SHROOM2: variants seen among roughly 807,000 people sequenced by gnomAD.
The protein encoded by SHROOM2 is shroom family member 2, also known as protein Shroom2.
Under a neutral mutation model 75.9 loss-of-function variants are expected in SHROOM2, and 33 were observed. The ratio of observed to expected loss-of-function variants is 0.43; its 90% confidence interval spans 0.33 to 0.58. SHROOM2 has a LOEUF of 0.58. Among genes scored for constraint, SHROOM2 ranks in the 20% least tolerant of loss-of-function variants. The probability of loss-of-function intolerance (pLI) is 0.04; values close to 1 mark genes in which losing one functional copy is unlikely to be tolerated. For synonymous variants in SHROOM2, 655 were observed against 663.6 expected (o/e 0.99, Z 0.20); for missense variants, 1,434 against 1,461.2 (o/e 0.98, Z 0.30).
At chrX:9,936,354 C>T (rs2084706071) in intron 6 of SHROOM2, among the ~76,000 whole-genome samples, 1 of 110,805 alleles carries the variant, frequency 9.0e-6, no homozygotes, top group Non-Finnish European at 1.9e-5. Flanking sequence ...ACAAGTGATC[C>T]ACCCGCCTCG....
At chrX:9,884,240 C>G (rs113007098) in intron 2 of SHROOM2, among the ~76,000 whole-genome samples, 12,551 of 110,764 alleles carry the variant, frequency 0.11, 752 homozygotes, top group East Asian at 0.38. Flanking sequence ...CCAGCCAGTG[C>G]TCTTACTGTG....
chrX:9,795,927 G>A (rs1410225406), intron 1 of SHROOM2, among the ~76,000 whole-genome samples: 1 of 110,916 alleles, frequency 9.0e-6, no homozygotes, highest in African/African-American at 3.3e-5. Context: ...CCAGTTTGGA[G>A]GGAAGGTTAC....
At chrX:9,805,077 TAA>T (rs757393138) in intron 1 of SHROOM2, among the ~76,000 whole-genome samples, 2 of 95,525 alleles carry the variant, frequency 2.1e-5, no homozygotes, top group Admixed American at 1.2e-4. Context: ...TCATGTCTAC[TAA>T]AAAAAAAAAA....
At chrX:9,934,269 C>T (rs1005475563) in intron 6 of SHROOM2, among the ~76,000 whole-genome samples, 3 of 111,703 alleles carry the variant, frequency 2.7e-5, no homozygotes, top group African/African-American at 9.8e-5. Context: ...TTCCCATCGC[C>T]GCAGAAAATT....
At chrX:9,872,107 T>A (rs1479235859) in intron 1 of SHROOM2, among the ~76,000 whole-genome samples, 3 of 112,320 alleles carry the variant, frequency 2.7e-5, no homozygotes, top group African/African-American at 9.7e-5. Flanking sequence ...TGTAAACCAA[T>A]GGGTGTGACT....
rs763599836 is a variant in SHROOM2, at chrX:9,807,070, C to T, written c.165+20360C>T. On this transcript the variant is annotated intron_variant, in intron 1 of 9. Coordinates refer to ENST00000380913, the MANE Select transcript of SHROOM2 (RefSeq NM_001649.4). ...GAGATGGGGTCTAGGGAAGGCCTGC[C>T]GGGCCCTGGGTCGCAGCTGGCAAGT... Among the ~76,000 whole-genome samples the T allele has an allele frequency of 6.1e-4, 68 of 111,477 alleles. 1 individual carries two copies. Among genetic ancestry groups the T allele is most frequent in the African/African-American group, 2.1e-3 (66 of 30,704 alleles).
At chrX:9,793,742 C>T (rs1371453277) in intron 1 of SHROOM2, among the ~76,000 whole-genome samples, 2 of 108,915 alleles carry the variant, frequency 1.8e-5, no homozygotes, top group Non-Finnish European at 3.8e-5. Context: ...TACCTAGCCT[C>T]TTCCTTTCTT....
intron 1 of SHROOM2, among the ~76,000 whole-genome samples, chrX:9,851,445 G>GTT (rs2084038990): frequency 9.7e-5 from 5 of 51,549 alleles, no homozygotes; most frequent in Admixed American, 3.3e-4. Flanking sequence ...CCAGGATATT[G>GTT]CTTTTTTTTT....
intron 1 of SHROOM2, among the ~76,000 whole-genome samples, chrX:9,867,397 G>A (rs1190523620): frequency 9.0e-6 from 1 of 111,348 alleles, no homozygotes; most frequent in Non-Finnish European, 1.9e-5. Flanking sequence ...TTTTTGTAGA[G>A]GGGCTTTTTG....
chrX:9,927,787 G>A (rs779348487), intron 5 of SHROOM2, among the ~76,000 whole-genome samples: 59 of 111,692 alleles, frequency 5.3e-4, no homozygotes, highest in South Asian at 3.0e-3. Flanking sequence ...AGCCCAGGGA[G>A]GAGCGTGGAG....
Position 9,818,789 on chromosome X carries a change from C to A in SHROOM2, c.165+32079C>A. 3 of 479,278 alleles carry A rather than the reference C, an allele frequency of 6.3e-6. No homozygotes were observed. The East Asian group carries it at 1.1e-4, about 17-fold the overall frequency. 39.5% of individuals were successfully genotyped at this position (479,278 alleles called of 1,213,427 possible). ...TCTTCTTTCTTTTTCTTCACAAAAT[C>A]AAACAGGATGTTGGCCCGCTCCTCA... is the stretch of plus-strand genomic sequence containing the variant. On this transcript the variant is annotated intron_variant, in intron 1 of 9. Transcript: ENST00000380913.
In SHROOM2 at chrX:9,906,918, G is replaced by A. The variant is rs759867886; in HGVS notation, c.2891+8628G>A. Among the ~76,000 whole-genome samples the A allele has an allele frequency of 6.2e-5, 7 of 112,647 alleles. No homozygotes were observed. The East Asian group carries it at 2.0e-3, about 32-fold the overall frequency. On this transcript the variant is annotated intron_variant, in intron 5 of 9. Coordinates refer to ENST00000380913, the MANE Select transcript of SHROOM2 (RefSeq NM_001649.4). ...CTCAGAGGAACATAGTGTCCCTGCTGCGACCACTCAGCTCTGCCGTGATAG... is the reference window on the plus strand; with the variant it reads ...CTCAGAGGAACATAGTGTCCCTGCTACGACCACTCAGCTCTGCCGTGATAG...
At chrX:9,898,401 A>G in intron 5 of SHROOM2, 111 bp downstream of exon 5, 1 of 564,971 alleles carries the variant, frequency 1.8e-6, no homozygotes, top group Non-Finnish European at 2.8e-6. Context: ...TGCCAAACCC[A>G]AAGCGGCTGA....
At chrX:9,850,534 C>T (rs2084032722) in intron 1 of SHROOM2, among the ~76,000 whole-genome samples, 1 of 111,492 alleles carries the variant, frequency 9.0e-6, no homozygotes, top group Non-Finnish European at 1.9e-5. Context: ...TGTGGCACCC[C>T]ATGTCCTTAT....
At chrX:9,883,586 A>AC (rs1387286263) in intron 2 of SHROOM2, among the ~76,000 whole-genome samples, 1 of 110,311 alleles carries the variant, frequency 9.1e-6, no homozygotes, top group Non-Finnish European at 1.9e-5. Flanking sequence ...GAACCCCTGG[A>AC]CTAGACCACA....
Position 9,937,430 on chromosome X carries a change from G to T in SHROOM2, c.3884G>T (p.Cys1295Phe). 1 of 1,211,027 alleles carries T rather than the reference G, an allele frequency of 8.3e-7. No individual in the cohort carries two copies. Among genetic ancestry groups the T allele is most frequent in the Non-Finnish European group, 1.1e-6 (1 of 895,163 alleles). The change falls in exon 7 of 10, where the codon TGC becomes TTC. Residue 1295 changes from cysteine to phenylalanine, a missense_variant. Physicochemically the swap from Cys to Phe is radical, Grantham distance 205. This residue lies in a region of SHROOM2 where 1,340 missense variants were observed against 1,338.3 expected (regional missense o/e 1.00). Transcript: ENST00000380913. The part of the protein sequence containing the change: ...GTQVPPEKDR[C>F]TSPPGLSYMK... ...CAGGTGCCCCCCGAGAAAGACCGCTGCACCTCCCCTCCAGGGCTCAGCTAC... is the reference window on the plus strand; with the variant it reads ...CAGGTGCCCCCCGAGAAAGACCGCTTCACCTCCCCTCCAGGGCTCAGCTAC...
At chrX:9,871,406 C>T (rs2084170410) in intron 1 of SHROOM2, among the ~76,000 whole-genome samples, 1 of 111,408 alleles carries the variant, frequency 9.0e-6, no homozygotes, top group Admixed American at 9.5e-5. Flanking sequence ...GAGGGTTGCT[C>T]CAGATCCCCA....
intron 1 of SHROOM2, among the ~76,000 whole-genome samples, chrX:9,861,187 G>C (rs974241027): frequency 6.2e-5 from 7 of 112,174 alleles, no homozygotes; most frequent in Admixed American, 2.8e-4. Context: ...TGTTGTTAGA[G>C]ATAGGGTCTC....
chrX:9,892,517 G>T (rs1267464898), intron 3 of SHROOM2, among the ~76,000 whole-genome samples: 1 of 111,679 alleles, frequency 9.0e-6, no homozygotes, highest in Non-Finnish European at 1.9e-5. Context: ...AAGGTGATGA[G>T]ATCTCCATTA....
Sources: allele counts gnomAD v4.1 joint callset (sites outside exome capture counted in the v4.1 genomes callset), GRCh38; gene constraint gnomAD v4.1.1; regional missense constraint gnomAD v4.1.1; transcripts MANE v1.5; gene names NCBI Gene and HGNC (gene_info 2026-07-23, HGNC 2026-07-21).